Variants in RYK observed in about 807,000 individuals in gnomAD.
RYK encodes receptor like tyrosine kinase.
RYK carries 21 observed loss-of-function variants against 70.2 expected under a neutral mutation model. The observed-to-expected ratio is 0.30, with a 90% CI of 0.21 to 0.43. RYK has a LOEUF of 0.43. Ranked by LOEUF, RYK falls within the 20% of genes least tolerant of loss-of-function variation. RYK has a pLI of 1.00. For missense variants in RYK, 604 were observed against 753.3 expected, an observed-to-expected ratio of 0.80 and a Z score of 2.32; for synonymous variants, 267 against 278.0, an observed-to-expected ratio of 0.96 and a Z score of 0.39.
intron 1 of RYK, among the ~76,000 whole-genome samples, chr3:134,241,759 CCCA>C (rs2015332101): frequency 1.3e-5 from 2 of 152,274 alleles, no homozygotes; most frequent in East Asian, 1.9e-4. Flanking sequence ...GTCACATAGC[CCCA>C]CACATCTCTG....
intron 2 of RYK, among the ~76,000 whole-genome samples, chr3:134,218,109 C>A (rs939094228): frequency 2.0e-5 from 3 of 152,164 alleles, no homozygotes; most frequent in East Asian, 1.9e-4. Flanking sequence ...AAACTTATAA[C>A]CTCACTCTAT....
Position 134,209,713 on chromosome 3 carries a change from T to C in RYK, c.571A>G (p.Arg191Gly). The C allele has an allele frequency of 6.8e-7, 1 of 1,476,626 alleles. No homozygotes were observed. Among genetic ancestry groups the C allele is most frequent in the Non-Finnish European group, 9.0e-7 (1 of 1,107,600 alleles). 91.5% of individuals were successfully genotyped at this position (1,476,626 alleles called of 1,614,324 possible). ...KNFTVLNFKRRKMCYKKLEEV... is the reference protein window; with the variant it reads ...KNFTVLNFKRGKMCYKKLEEV... Reference sequence around the variant, plus strand: ...TCCTTACTTTTGTAGCACATTTTCCTTCGTTTAAAATTTAAGACGGTAAAA... The same window carrying C: ...TCCTTACTTTTGTAGCACATTTTCCCTCGTTTAAAATTTAAGACGGTAAAA... Residue 191 changes from arginine to glycine, a missense_variant, in exon 4 of 15, where the codon AGG becomes GGG. Physicochemically the swap from Arg to Gly is moderately radical, Grantham distance 125 (BLOSUM62 -2). Around this residue, in one of 2 missense-constraint regions of RYK, gnomAD observed 466 missense variants for 535.9 expected, o/e 0.87. Transcript: ENST00000623711.
At chr3:134,161,492 C>A (rs1348129973) in intron 13 of RYK, among the ~76,000 whole-genome samples, 1 of 152,134 alleles carries the variant, frequency 6.6e-6, no homozygotes, top group Non-Finnish European at 1.5e-5. Flanking sequence ...TTGGCACAGA[C>A]AAATGTCCTT....
intron 1 of RYK, among the ~76,000 whole-genome samples, chr3:134,230,658 A>G (rs2015029408): frequency 6.6e-6 from 1 of 152,230 alleles, no homozygotes; most frequent in South Asian, 2.1e-4. Flanking sequence ...TGACCCTGGA[A>G]AGGGGAGTGG....
chr3:134,161,458 C>T (rs2012468912), intron 13 of RYK, among the ~76,000 whole-genome samples: 1 of 152,164 alleles, frequency 6.6e-6, no homozygotes, highest in Non-Finnish European at 1.5e-5. Flanking sequence ...ACCCAAAATG[C>T]CTCCGGACAT....
intron 11 of RYK, 64 bp from the exon 12 acceptor site, chr3:134,176,103 T>G: frequency 2.1e-6 from 2 of 968,012 alleles, no homozygotes; most frequent in Non-Finnish European, 3.2e-6. Context: ...CTTTCTTACT[T>G]TTTTTATTCC....
intron 10 of RYK, chr3:134,178,293 G>A (rs2108153691): frequency 2.5e-6 from 1 of 395,824 alleles, no homozygotes; most frequent in East Asian, 5.0e-5. Context: ...TCTTGGTAGG[G>A]AAAAATCATA....
At chr3:134,203,776 C>T (rs1024634136) in intron 5 of RYK, among the ~76,000 whole-genome samples, 7 of 152,156 alleles carry the variant, frequency 4.6e-5, no homozygotes, top group South Asian at 4.1e-4. Context: ...TCTGCAGTGA[C>T]GAAAATGTTC....
chr3:134,167,820 C>T (rs944669762), intron 13 of RYK, among the ~76,000 whole-genome samples: 2 of 152,122 alleles, frequency 1.3e-5, no homozygotes, highest in African/African-American at 4.8e-5. Context: ...AAGAAGCTAC[C>T]GTCAGAGTGA....
At chr3:134,185,144 AAT>A (rs140678080) in intron 9 of RYK, among the ~76,000 whole-genome samples, 71,212 of 151,506 alleles carry the variant, frequency 0.47, 17,472 homozygotes, top group Middle Eastern at 0.64. Flanking sequence ...TAAATTAATT[AAT>A]TAATTAAATA....
intron 1 of RYK, among the ~76,000 whole-genome samples, chr3:134,226,522 A>C (rs1024281258): frequency 6.6e-6 from 1 of 152,138 alleles, no homozygotes; most frequent in African/African-American, 2.4e-5. Flanking sequence ...ATTGATACAA[A>C]AAACTTACTA....
intron 1 of RYK, among the ~76,000 whole-genome samples, chr3:134,227,202 AGGAAT>A (rs1027734516): frequency 2.0e-5 from 3 of 152,162 alleles, no homozygotes; most frequent in Non-Finnish European, 4.4e-5. Flanking sequence ...CCAGGGACCT[AGGAAT>A]AACTCTAAAG....
chr3:134,226,552 A>T (rs1164980151), intron 1 of RYK, among the ~76,000 whole-genome samples: 4 of 152,134 alleles, frequency 2.6e-5, no homozygotes, highest in Non-Finnish European at 5.9e-5. Context: ...GAGAAAAGAA[A>T]ATTACAGAAC....
intron 2 of RYK, among the ~76,000 whole-genome samples, chr3:134,221,102 TAAAAAGGGA>T (rs1188205690): frequency 1.4e-4 from 21 of 151,126 alleles, no homozygotes; most frequent in Non-Finnish European, 2.8e-4. Context: ...CTTTTTTGTT[TAAAAAGGGA>T]AAAAAGGGGA....
Position 134,249,917 on chromosome 3 carries a change from G to GTTTTTT in RYK, c.232+500_232+505dup, listed in dbSNP as rs71624038. On this transcript the variant is annotated intron_variant, in intron 1 of 14. Coordinates refer to ENST00000623711, the MANE Select transcript of RYK (RefSeq NM_002958.4). ...TATAACCTCCCCTTCTTTCTCTCTC[G>GTTTTTT]TTTTTTTTTTTTTTTTTTTTTTTTT... Among the ~76,000 whole-genome samples, 32 of 93,338 alleles carry GTTTTTT rather than the reference G, an allele frequency of 3.4e-4. 6 individuals carry two copies. The highest frequency in any genetic ancestry group is 1.4e-3 in the African/African-American group (26 of 18,904). 61.2% of individuals were successfully genotyped at this position (93,338 alleles called of 152,430 possible).
At chr3:134,224,118 A>G (rs2014815838) in intron 1 of RYK, among the ~76,000 whole-genome samples, 1 of 152,126 alleles carries the variant, frequency 6.6e-6, no homozygotes, top group South Asian at 2.1e-4. Context: ...ACAAAAGACA[A>G]AGAAATAGAA....
At chr3:134,236,205 A>G (rs1379326240) in intron 1 of RYK, among the ~76,000 whole-genome samples, 8 of 152,140 alleles carry the variant, frequency 5.3e-5, no homozygotes, top group Non-Finnish European at 1.0e-4. Flanking sequence ...TTATGTAAGT[A>G]AAGATCATAG....
intron 5 of RYK, among the ~76,000 whole-genome samples, chr3:134,206,515 A>T (rs1289173923): frequency 6.6e-6 from 1 of 152,188 alleles, no homozygotes. Context: ...TTCAGGAGGA[A>T]AAAAAGACAT....
chr3:134,175,343 T>TACA lies in RYK; in HGVS notation c.1575+265_1575+266insTGT, dbSNP rs2013059976. ...GGGCTACAAGAGTGGAACTCTGTCT[T>TACA]AAAAAAAAAAAAAAAAAAAGTGCTT... On this transcript the variant is annotated intron_variant, in intron 13 of 14. Coordinates refer to ENST00000623711, the MANE Select transcript of RYK (RefSeq NM_002958.4). 2.3e-5 allele frequency among the ~76,000 whole-genome samples: 3 copies of TACA among 128,908 alleles called. No homozygotes were observed. The Admixed American group carries it at 2.3e-4, about 10-fold the overall frequency. The allele number at this position is 128,908 out of a possible 152,430, so 84.6% of individuals were successfully genotyped here.
Sources: gnomAD v4.1 joint callset for allele counts (sites outside exome capture counted in the v4.1 genomes callset) on GRCh38, gnomAD v4.1.1 for gene constraint, gnomAD v4.1.1 regional missense constraint, MANE v1.5 for transcripts, NCBI Gene and HGNC (gene_info 2026-07-23, HGNC 2026-07-21) for gene names.